The following FAM221A variants were observed in gnomAD, a reference collection of about 807,000 sequenced individuals.
FAM221A encodes family with sequence similarity 221 member A.
In FAM221A, 43 loss-of-function variants were observed where a neutral mutation model predicts 37.6. That is an observed-to-expected ratio of 1.15 (90% CI 0.90 to 1.48). The LOEUF is 1.48. FAM221A is among the 40% of genes most tolerant of loss of function. FAM221A has a pLI of 0.00. For synonymous variants in FAM221A, 135 were observed against 132.9 expected, an observed-to-expected ratio of 1.02 and a Z score of -0.11; for missense variants, 361 against 361.5, an observed-to-expected ratio of 1.00 and a Z score of 0.01.
chr7:23,686,482 C>G, intron 2 of FAM221A: 1 of 304,150 alleles, frequency 3.3e-6, no homozygotes, highest in Non-Finnish European at 6.4e-6. Context: ...CCAGACTGGT[C>G]TGGAACTCCT....
chr7:23,697,344 G>A (rs781055789), intron 4 of FAM221A, among the ~76,000 whole-genome samples: 8 of 152,060 alleles, frequency 5.3e-5, no homozygotes, highest in African/African-American at 1.9e-4. Flanking sequence ...TAGGGGAAAG[G>A]TGGTGGTTTG....
intron 5 of FAM221A, among the ~76,000 whole-genome samples, chr7:23,700,153 C>T (rs923883879): frequency 1.3e-5 from 2 of 151,372 alleles, no homozygotes; most frequent in Non-Finnish European, 3.0e-5. Flanking sequence ...AAACTAGAAG[C>T]GCAAGTGTTC....
intron 1 of FAM221A, among the ~76,000 whole-genome samples, chr7:23,681,273 T>C (rs910802386): frequency 1.3e-5 from 2 of 152,324 alleles, no homozygotes; most frequent in African/African-American, 4.8e-5. Context: ...CCAGAGCTTT[T>C]GCCTGGGAGC....
intron 2 of FAM221A, 100 bp from the exon 3 acceptor site, chr7:23,689,169 A>C: frequency 1.4e-6 from 1 of 739,114 alleles, no homozygotes; most frequent in East Asian, 2.7e-5. Context: ...ATAAAGCAAT[A>C]ATAATTAAAA....
chr7:23,700,982 TAC>T, intron 6 of FAM221A, 114 bp downstream of exon 6: 1 of 747,148 alleles, frequency 1.3e-6, no homozygotes, highest in East Asian at 2.6e-5. Context: ...AGTCTTTACT[TAC>T]AGTTGGTGTT....
chr7:23,693,355 T>A (rs1427230347), intron 4 of FAM221A: 1 of 152,206 alleles, frequency 6.6e-6, no homozygotes, highest in Non-Finnish European at 1.5e-5. Context: ...GTCTGACATG[T>A]AAAATTGTTA....
chr7:23,693,094 CT>C (rs1162634388), intron 4 of FAM221A: 3 of 152,190 alleles, frequency 2.0e-5, no homozygotes, highest in Non-Finnish European at 4.4e-5. Context: ...TAACCATTTC[CT>C]TGTTCATGGC....
intron 4 of FAM221A, among the ~76,000 whole-genome samples, chr7:23,695,267 A>G (rs903433720): frequency 6.6e-6 from 1 of 152,204 alleles, no homozygotes; most frequent in Admixed American, 6.5e-5. Context: ...GTGAGCCACC[A>G]TGTAGAATTG....
At chr7:23,687,197 C>G (rs765253079) in intron 2 of FAM221A, 1 of 152,180 alleles carries the variant, frequency 6.6e-6, no homozygotes, top group Non-Finnish European at 1.5e-5. Flanking sequence ...TTTTTAATAC[C>G]TGCCAGCTAG....
At chr7:23,692,405 G>A (rs13437740) in intron 4 of FAM221A, 57 of 244,122 alleles carry the variant, frequency 2.3e-4, no homozygotes, top group Non-Finnish European at 3.3e-4. Flanking sequence ...GCAATGGCGC[G>A]ATCTCGGCTC....
Position 23,700,886 on chromosome 7 carries a change from TTCAGTTGCACTAAG to T in FAM221A, c.828+19_828+32del. On this transcript the variant is annotated intron_variant, in intron 6 of 6. Coordinates refer to ENST00000344962, the MANE Select transcript of FAM221A (RefSeq NM_199136.5). ...AGGAAAGGGTAGGTTTTTGAGGAAA[TTCAGTTGCACTAAG>T]CATTTACTTGTAGCAAAAGCACTAG... 1 of 1,534,406 alleles carries T rather than the reference TTCAGTTGCACTAAG, an allele frequency of 6.5e-7. No individual in the cohort carries two copies. The highest frequency in any genetic ancestry group is 2.3e-5 in the East Asian group (1 of 44,374).
intron 4 of FAM221A, among the ~76,000 whole-genome samples, chr7:23,696,178 TG>T (rs1785048809): frequency 6.6e-6 from 1 of 152,270 alleles, no homozygotes; most frequent in Non-Finnish European, 1.5e-5. Flanking sequence ...CTGTACTGAA[TG>T]CTGTAGACAA....
intron 1 of FAM221A, among the ~76,000 whole-genome samples, chr7:23,681,024 G>T (rs1784008155): frequency 6.6e-6 from 1 of 152,218 alleles, no homozygotes; most frequent in Admixed American, 6.5e-5. Context: ...GGCATCGTGG[G>T]TGGCCCAGAT....
chr7:23,697,042 T>G (rs945432489), intron 4 of FAM221A, among the ~76,000 whole-genome samples: 1 of 150,824 alleles, frequency 6.6e-6, no homozygotes, highest in Non-Finnish European at 1.5e-5. Flanking sequence ...ATTGAGGGAG[T>G]CTGTACTTAT....
intron 5 of FAM221A, among the ~76,000 whole-genome samples, chr7:23,698,691 A>G (rs1785214986): frequency 6.6e-6 from 1 of 152,232 alleles, no homozygotes; most frequent in African/African-American, 2.4e-5. Context: ...AATTAAGAGC[A>G]AGTAGAATTC....
At chr7:23,692,929 A>T (rs1317849195) in intron 4 of FAM221A, 1 of 180,730 alleles carries the variant, frequency 5.5e-6, no homozygotes, top group Non-Finnish European at 1.1e-5. Flanking sequence ...CAGTCTTCCT[A>T]GTAGCTGGGA....
At chr7:23,693,197 GTTAACCTGTAAAATTC>G (rs1784850477) in intron 4 of FAM221A, 1 of 152,192 alleles carries the variant, frequency 6.6e-6, no homozygotes, top group South Asian at 2.1e-4. Flanking sequence ...ATTGGAGCGT[GTTAACCTGTAAAATTC>G]TAATACATTC....
intron 1 of FAM221A, 27 bp downstream of exon 1, chr7:23,680,310 C>A: frequency 1.3e-6 from 2 of 1,511,772 alleles, no homozygotes; most frequent in Non-Finnish European, 1.8e-6. Flanking sequence ...GGGCCTGCCC[C>A]CCCGCCGCTC....
At chr7:23,682,767 G>A (rs1784131481) in intron 1 of FAM221A, among the ~76,000 whole-genome samples, 1 of 152,072 alleles carries the variant, frequency 6.6e-6, no homozygotes, top group Non-Finnish European at 1.5e-5. Flanking sequence ...GATTCTGTAA[G>A]TACAATAAAA....
Sources: allele counts gnomAD v4.1 joint callset (sites outside exome capture counted in the v4.1 genomes callset), GRCh38; gene constraint gnomAD v4.1.1; transcripts MANE v1.5; gene names NCBI Gene and HGNC (gene_info 2026-07-23, HGNC 2026-07-21).